The following PARD3B variants were observed in gnomAD, a reference collection of about 807,000 sequenced individuals.
PARD3B encodes the protein partitioning defective 3 homolog B.
In PARD3B, 103 loss-of-function variants were observed where a neutral mutation model predicts 130.2. That is an observed-to-expected ratio of 0.79 (90% CI 0.67 to 0.93). The LOEUF (loss-of-function observed/expected upper bound fraction) is 0.93, where lower values mean the gene tolerates loss of function less well. Ranked by LOEUF, PARD3B falls within the 40% of genes least tolerant of loss-of-function variation. The pLI is 0.00. For missense variants in PARD3B, 1,609 were observed against 1,499.2 expected (o/e 1.07, Z -1.21); for synonymous variants, 583 against 553.2 (o/e 1.05, Z -0.76).
At position 205,128,328 on chromosome 2, in the gene PARD3B, C is replaced by G. The variant is rs1295762792; in HGVS notation, c.1434+2591C>G. Among the ~76,000 whole-genome samples, 2 of 152,164 alleles carry G rather than the reference C, an allele frequency of 1.3e-5. No individual in the cohort carries two copies. The highest frequency in any genetic ancestry group is 4.8e-5 in the African/African-American group (2 of 41,444). ...CCATATGTCCTCTGGAATTTTTAAC[C>G]CCACAGTTAATACCTTCTTCCTAGA... On this transcript the variant is annotated intron_variant, in intron 10 of 22. Transcript: ENST00000406610. The surrounding 1 kb of genome is among the most constrained non-coding windows in gnomAD (Gnocchi z 4.5).
intron 20 of PARD3B, among the ~76,000 whole-genome samples, chr2:205,454,633 C>A (rs1293878061): frequency 6.6e-6 from 1 of 152,110 alleles, no homozygotes; most frequent in African/African-American, 2.4e-5. Flanking sequence ...ATTGTCAAGA[C>A]TTCTGTATAC....
chr2:205,174,233 A>C (rs1437501623), intron 12 of PARD3B, among the ~76,000 whole-genome samples: 6 of 152,166 alleles, frequency 3.9e-5, no homozygotes, highest in Non-Finnish European at 8.8e-5. Flanking sequence ...TGAAACTCTC[A>C]TTTGTTGCCC....
chr2:204,648,662 TAA>T (rs2035365558), intron 1 of PARD3B, among the ~76,000 whole-genome samples: 1 of 112,686 alleles, frequency 8.9e-6, no homozygotes, highest in Non-Finnish European at 1.7e-5. Flanking sequence ...AATATATTTA[TAA>T]TATATATCAT....
In PARD3B at chr2:205,160,445, T is replaced by C. The variant is rs2034443619; in HGVS notation, c.1620+1538T>C. 6.6e-6 allele frequency among the ~76,000 whole-genome samples: 1 copy of C among 152,120 alleles called. No homozygotes were observed. The highest frequency in any genetic ancestry group is 2.4e-5 in the African/African-American group (1 of 41,422). On this transcript the variant is annotated intron_variant, in intron 11 of 22. Transcript: ENST00000406610. This position sits in a 1 kb window ranked among gnomAD's most constrained non-coding sequence, Gnocchi z 4.0. ...AGCGGCAGTGGGTGAATCCGCGGGC[T>C]CCAAGCTAGCACACTGTCACCCCAC...
intron 21 of PARD3B, among the ~76,000 whole-genome samples, chr2:205,532,344 TA>T (rs1301289018): frequency 6.6e-6 from 1 of 152,174 alleles, no homozygotes; most frequent in African/African-American, 2.4e-5. Flanking sequence ...ACAGGTGTCA[TA>T]AAAGGCAAAA....
intron 2 of PARD3B, among the ~76,000 whole-genome samples, chr2:204,771,823 T>C (rs1002435515): frequency 6.6e-6 from 1 of 152,090 alleles, no homozygotes; most frequent in African/African-American, 2.4e-5. Context: ...GGCAATACTT[T>C]ATGTGTATGA....
rs1178585560 is a variant in PARD3B at position 204,673,306 on chromosome 2, T to C, written c.121-12875T>C. 6.6e-6 allele frequency among the ~76,000 whole-genome samples: 1 copy of C among 152,234 alleles called. No individual in the cohort carries two copies. Among genetic ancestry groups the C allele is most frequent in the Non-Finnish European group, 1.5e-5 (1 of 68,036 alleles). On this transcript the variant is annotated intron_variant, in intron 1 of 22. Transcript: ENST00000406610. This position sits in a 1 kb window ranked among gnomAD's most constrained non-coding sequence, Gnocchi z 4.7. ...TTAAAAGAAAAGGTACCTTTAAACA[T>C]ATTTAATGCTGATGTAAAAAGTAGT...
chr2:205,404,076 C>T (rs375446872), intron 19 of PARD3B, among the ~76,000 whole-genome samples: 1 of 152,168 alleles, frequency 6.6e-6, no homozygotes, highest in African/African-American at 2.4e-5. Context: ...TAAAACCATA[C>T]ATAACTCTAC....
At chr2:205,164,955 C>T (rs1480361177) in intron 11 of PARD3B, among the ~76,000 whole-genome samples, 1 of 151,924 alleles carries the variant, frequency 6.6e-6, no homozygotes, top group African/African-American at 2.4e-5. Flanking sequence ...TTCTAGCATT[C>T]TGGTTGTACC....
intron 21 of PARD3B, among the ~76,000 whole-genome samples, chr2:205,537,857 T>A (rs753915564): frequency 4.1e-4 from 62 of 152,228 alleles, no homozygotes; most frequent in Non-Finnish European, 7.6e-4. Flanking sequence ...GTTTCTTGAT[T>A]TCATTCAGTA....
intron 1 of PARD3B, among the ~76,000 whole-genome samples, chr2:204,563,765 TG>T (rs2125059805): frequency 6.6e-6 from 1 of 152,220 alleles, no homozygotes; most frequent in South Asian, 2.1e-4. Context: ...TCACATCCTT[TG>T]TGGTCTGCTT....
At chr2:205,195,081 G>A (rs2036609765) in intron 15 of PARD3B, among the ~76,000 whole-genome samples, 1 of 151,628 alleles carries the variant, frequency 6.6e-6, no homozygotes, top group Non-Finnish European at 1.5e-5. Context: ...TTACAGGCGT[G>A]AGCCACCGCA....
chr2:205,492,273 A>G (rs1469679203), intron 20 of PARD3B, among the ~76,000 whole-genome samples: 1 of 152,298 alleles, frequency 6.6e-6, no homozygotes, highest in Non-Finnish European at 1.5e-5. Flanking sequence ...AGCAGATTTT[A>G]CATTTGGAAG....
rs191327800 is a variant in PARD3B, at chr2:204,605,466, G to A, written c.120+59347G>A. Among the ~76,000 whole-genome samples the A allele has an allele frequency of 1.2e-4, 19 of 152,214 alleles. No individual in the cohort carries two copies. In the East Asian group the frequency reaches 1.4e-3, roughly 11 times the overall value. ...TACCAGTCTCTTTTTACTTTGATCC[G>A]TTTTATATATGGCACAAGTAATCTT... On this transcript the variant is annotated intron_variant, in intron 1 of 22. Coordinates refer to ENST00000406610, the MANE Select transcript of PARD3B (RefSeq NM_001302769.2).
intron 20 of PARD3B, among the ~76,000 whole-genome samples, chr2:205,492,968 C>G (rs1282367263): frequency 6.6e-6 from 1 of 152,052 alleles, no homozygotes; most frequent in African/African-American, 2.4e-5. Context: ...AATGCATGTA[C>G]AAGAGTCTCT....
chr2:205,044,726 C>T (rs1188722737), intron 3 of PARD3B, among the ~76,000 whole-genome samples: 5 of 151,932 alleles, frequency 3.3e-5, no homozygotes, highest in African/African-American at 7.3e-5. Flanking sequence ...GAGTAGGTTG[C>T]GAAAATTTTC....
At chr2:204,550,095 A>G (rs1385824639) in intron 1 of PARD3B, among the ~76,000 whole-genome samples, 1 of 152,190 alleles carries the variant, frequency 6.6e-6, no homozygotes, top group Non-Finnish European at 1.5e-5. Context: ...GTCCCTTAGT[A>G]TCCATAGGGG....
chr2:205,237,349 G>A (rs2039113034), intron 15 of PARD3B, among the ~76,000 whole-genome samples: 2 of 152,052 alleles, frequency 1.3e-5, no homozygotes, highest in South Asian at 2.1e-4. Flanking sequence ...TGATCCACCC[G>A]ACTCGGCCTC....
chr2:205,467,005 GC>G (rs1559120700), intron 20 of PARD3B, among the ~76,000 whole-genome samples: 1 of 152,198 alleles, frequency 6.6e-6, no homozygotes, highest in African/African-American at 2.4e-5. Flanking sequence ...GAGCCACAAC[GC>G]CCAACCAGGC....
Sources: gnomAD v4.1 joint callset for allele counts (sites outside exome capture counted in the v4.1 genomes callset) on GRCh38, gnomAD v4.1.1 for gene constraint, Gnocchi (gnomAD v3.1) non-coding constraint, MANE v1.5 for transcripts, NCBI Gene and HGNC (gene_info 2026-07-23, HGNC 2026-07-21) for gene names.